The following MSI2 variants were observed in gnomAD, a reference collection of about 807,000 sequenced individuals.
The protein encoded by MSI2 is RNA-binding protein Musashi homolog 2.
In MSI2, 17 loss-of-function variants were observed where a neutral mutation model predicts 45.6. That is an observed-to-expected ratio of 0.37 (90% CI 0.26 to 0.56). The LOEUF (loss-of-function observed/expected upper bound fraction) is 0.56. Among genes scored for constraint, MSI2 ranks in the 20% least tolerant of loss-of-function variants. The pLI, the probability that MSI2 is intolerant of heterozygous loss-of-function variation, is 0.77. For missense variants in MSI2, 293 were observed against 444.2 expected (o/e 0.66, Z 3.06); for synonymous variants, 156 against 158.2 (o/e 0.99, Z 0.11).
At chr17:57,541,103 T>C (rs950143889) in intron 7 of MSI2, among the ~76,000 whole-genome samples, 1 of 152,016 alleles carries the variant, frequency 6.6e-6, no homozygotes, top group African/African-American at 2.4e-5. Context: ...AAGTCTAATT[T>C]GCCAAAGACC....
intron 6 of MSI2, among the ~76,000 whole-genome samples, chr17:57,492,438 T>C (rs148205227): frequency 9.8e-5 from 15 of 152,338 alleles, no homozygotes; most frequent in African/African-American, 3.6e-4. Flanking sequence ...CTCAAATAGA[T>C]ATCTAAGTCT....
At chr17:57,630,674 G>A (rs1399224860) in intron 10 of MSI2, 1 of 152,350 alleles carries the variant, frequency 6.6e-6, no homozygotes, top group Non-Finnish European at 1.5e-5. Flanking sequence ...TATCCCAGAT[G>A]CCTCCCCAAG....
intron 7 of MSI2, among the ~76,000 whole-genome samples, chr17:57,593,128 G>T (rs935651562): frequency 6.6e-6 from 1 of 152,120 alleles, no homozygotes; most frequent in African/African-American, 2.4e-5. Context: ...AGCCAGGATG[G>T]GTTTTTCTCA....
chr17:57,330,208 A>G (rs527264656), intron 5 of MSI2, among the ~76,000 whole-genome samples: 2 of 151,750 alleles, frequency 1.3e-5, no homozygotes, highest in African/African-American at 2.4e-5. Flanking sequence ...GTGGATGTTC[A>G]GTACACTGTG....
intron 5 of MSI2, among the ~76,000 whole-genome samples, chr17:57,317,849 G>A (rs1026844641): frequency 9.2e-5 from 14 of 152,038 alleles, no homozygotes; most frequent in Admixed American, 5.2e-4. Flanking sequence ...TCCAGGGAGT[G>A]GTTGAAAGCA....
At chr17:57,649,238 C>T (rs1369455690) in intron 10 of MSI2, among the ~76,000 whole-genome samples, 2 of 152,074 alleles carry the variant, frequency 1.3e-5, no homozygotes, top group Non-Finnish European at 2.9e-5. Context: ...CATACATACA[C>T]TCAACACACA....
intron 6 of MSI2, among the ~76,000 whole-genome samples, chr17:57,470,292 T>TTTA (rs2085409756): frequency 1.3e-5 from 1 of 78,344 alleles, no homozygotes; most frequent in Non-Finnish European, 3.0e-5. Flanking sequence ...TTATTTATTT[T>TTTA]TTTGAGATGG....
intron 6 of MSI2, among the ~76,000 whole-genome samples, chr17:57,498,630 G>A (rs192299985): frequency 5.9e-5 from 9 of 152,212 alleles, no homozygotes; most frequent in African/African-American, 2.2e-4. Flanking sequence ...TTCCTGTGCC[G>A]CGCGGGGAGC....
intron 7 of MSI2, among the ~76,000 whole-genome samples, chr17:57,571,557 C>T (rs60345401): frequency 0.022 from 3,343 of 152,286 alleles, 130 homozygotes; most frequent in African/African-American, 0.076. Flanking sequence ...TGAATATTCT[C>T]CTCTTGGATT....
intron 10 of MSI2, among the ~76,000 whole-genome samples, chr17:57,644,378 C>G (rs1038969457): frequency 2.0e-5 from 3 of 152,110 alleles, no homozygotes; most frequent in Non-Finnish European, 4.4e-5. Flanking sequence ...CATGTGCCAT[C>G]CACCTTTTTT....
intron 7 of MSI2, among the ~76,000 whole-genome samples, chr17:57,584,669 A>C (rs527508005): frequency 6.6e-5 from 10 of 152,186 alleles, no homozygotes; most frequent in African/African-American, 2.4e-4. Flanking sequence ...AACTTGTTGG[A>C]GAAAGGCGAG....
chr17:57,537,442 T>C (rs990117474), intron 7 of MSI2, among the ~76,000 whole-genome samples: 3 of 152,202 alleles, frequency 2.0e-5, no homozygotes, highest in Admixed American at 1.3e-4. Context: ...CATTTTATTT[T>C]CTCGTTAAAT....
chr17:57,558,906 C>G (rs899152404), intron 7 of MSI2, among the ~76,000 whole-genome samples: 3 of 151,586 alleles, frequency 2.0e-5, no homozygotes, highest in Admixed American at 6.6e-5. Flanking sequence ...ACTAAAAATA[C>G]AAAAAAAACA....
At chr17:57,337,097 C>T (rs1914743921) in intron 5 of MSI2, among the ~76,000 whole-genome samples, 2 of 152,194 alleles carry the variant, frequency 1.3e-5, no homozygotes. Flanking sequence ...AGAGCTTGGG[C>T]ACCACCATTT....
At chr17:57,388,194 A>T (rs1056060530) in intron 5 of MSI2, among the ~76,000 whole-genome samples, 3 of 152,240 alleles carry the variant, frequency 2.0e-5, no homozygotes, top group Non-Finnish European at 4.4e-5. Flanking sequence ...AGACTTGCTC[A>T]TGATGATTTT....
intron 6 of MSI2, among the ~76,000 whole-genome samples, chr17:57,416,771 C>T (rs1368873892): frequency 6.6e-6 from 1 of 152,158 alleles, no homozygotes; most frequent in Non-Finnish European, 1.5e-5. Context: ...GGCTGGACGA[C>T]AGTACATTCA....
intron 5 of MSI2, among the ~76,000 whole-genome samples, chr17:57,275,192 A>G (rs1039587228): frequency 1.3e-5 from 2 of 152,214 alleles, no homozygotes; most frequent in Non-Finnish European, 1.5e-5. Context: ...CACAAAAGCC[A>G]CATTTTCAAG....
chr17:57,359,577 G>A (rs529190911), intron 5 of MSI2, among the ~76,000 whole-genome samples: 38 of 152,256 alleles, frequency 2.5e-4, no homozygotes, highest in African/African-American at 9.1e-4. Flanking sequence ...AGCACTTGAT[G>A]GCAAAGTTTG....
At chr17:57,337,537 G>A (rs993923109) in intron 5 of MSI2, among the ~76,000 whole-genome samples, 2 of 152,102 alleles carry the variant, frequency 1.3e-5, no homozygotes, top group Admixed American at 6.6e-5. Context: ...TGTGTCGCTG[G>A]CTAGCCTGGG....
Sources: allele counts gnomAD v4.1 joint callset (sites outside exome capture counted in the v4.1 genomes callset), GRCh38; gene constraint gnomAD v4.1.1; transcripts MANE v1.5; gene names NCBI Gene and HGNC (gene_info 2026-07-23, HGNC 2026-07-21).